Variants in RFX3 observed in about 807,000 individuals in gnomAD.
RFX3 encodes regulatory factor X3.
A neutral mutation model predicts 98.6 loss-of-function variants in RFX3; 14 were observed. That is an observed-to-expected ratio of 0.14 (90% CI 0.09 to 0.22). The LOEUF (loss-of-function observed/expected upper bound fraction) is 0.22, where lower values mean the gene tolerates loss of function less well. RFX3 is among the 10% of genes least tolerant of loss of function. The pLI is 1.00. For synonymous variants in RFX3, 383 were observed against 328.4 expected, an observed-to-expected ratio of 1.17 and a Z score of -1.80; for missense variants, 639 against 926.9, an observed-to-expected ratio of 0.69 and a Z score of 4.03.
chr9:3,414,778 A>ATATGTATATATGAGTATC (rs1842787541), intron 1 of RFX3, among the ~76,000 whole-genome samples: 1 of 137,266 alleles, frequency 7.3e-6, no homozygotes, highest in Non-Finnish European at 1.5e-5. Flanking sequence ...ATATGAGTAT[A>ATATGTATATATGAGTATC]TATGTATATA....
intron 7 of RFX3, among the ~76,000 whole-genome samples, chr9:3,278,274 C>T (rs3012681): frequency 6.6e-6 from 1 of 151,738 alleles, no homozygotes; most frequent in South Asian, 2.1e-4. Context: ...ATAAGCAAAA[C>T]AAAATAAGTA....
At chr9:3,226,920 G>A (rs915880836) in intron 16 of RFX3, among the ~76,000 whole-genome samples, 4 of 151,786 alleles carry the variant, frequency 2.6e-5, no homozygotes, top group African/African-American at 7.3e-5. Context: ...ATTTTTCTAC[G>A]GAGCAAATAT....
intron 3 of RFX3, among the ~76,000 whole-genome samples, chr9:3,341,509 G>C (rs1833888445): frequency 6.6e-6 from 1 of 152,090 alleles, no homozygotes; most frequent in African/African-American, 2.4e-5. Flanking sequence ...CTTGGAAGGG[G>C]CTGAAAAGCA....
At position 3,506,826 on chromosome 9, in the gene RFX3, A is replaced by G. The variant is rs575193926; in HGVS notation, c.-9+18921T>C. ...GCTACATGATACTCTATTTGAAGAAATATCCAGAAATTCATGAATTCATGC... is the reference window on the plus strand; with the variant it reads ...GCTACATGATACTCTATTTGAAGAAGTATCCAGAAATTCATGAATTCATGC... On this transcript the variant is annotated intron_variant, in intron 1 of 16. Transcript: ENST00000617270. Among the ~76,000 whole-genome samples, 9 of 152,058 alleles carry G rather than the reference A, an allele frequency of 5.9e-5. No homozygotes were observed. The South Asian group carries it at 1.9e-3, about 31-fold the overall frequency.
intron 14 of RFX3, among the ~76,000 whole-genome samples, chr9:3,249,093 A>G (rs750995410): frequency 6.6e-6 from 1 of 151,992 alleles, no homozygotes; most frequent in African/African-American, 2.4e-5. Flanking sequence ...CCTTTTTCTA[A>G]AGATTTTTGG....
At chr9:3,524,718 G>C (rs941621170) in intron 1 of RFX3, 1 of 646,890 alleles carries the variant, frequency 1.5e-6, no homozygotes, top group African/African-American at 2.0e-5. Flanking sequence ...TCATCAAAGT[G>C]AAACGGAACC....
At chr9:3,509,966 T>C (rs566093894) in intron 1 of RFX3, among the ~76,000 whole-genome samples, 5 of 152,096 alleles carry the variant, frequency 3.3e-5, no homozygotes, top group African/African-American at 9.6e-5. Flanking sequence ...ACTTGATAAC[T>C]TCCCAAGTCC....
Position 3,525,943 on chromosome 9 carries a change from A to C in RFX3, c.-205T>G. 2.8e-6 allele frequency: 2 copies of C among 703,464 alleles called. No homozygotes were observed. The highest frequency in any genetic ancestry group is 3.4e-6 in the Non-Finnish European group (2 of 580,982). The allele number at this position is 703,464 out of a possible 1,614,324, so 43.6% of individuals were successfully genotyped here. ...ACTCACAAAAGAGAGAGAGAGAGGG[A>C]GAGAGAGAGAGAGCGAGAGGGAGAG... On this transcript the variant is annotated 5_prime_UTR_variant, in exon 1 of 17. Coordinates refer to ENST00000617270, the MANE Select transcript of RFX3 (RefSeq NM_001282116.2).
intron 1 of RFX3, among the ~76,000 whole-genome samples, chr9:3,515,020 C>G (rs993501024): frequency 6.6e-6 from 1 of 152,084 alleles, no homozygotes; most frequent in African/African-American, 2.4e-5. Context: ...TCAGCAAATG[C>G]CTGATGTGAC....
chr9:3,423,953 C>T (rs1376325849), intron 1 of RFX3, among the ~76,000 whole-genome samples: 1 of 151,528 alleles, frequency 6.6e-6, no homozygotes, highest in Non-Finnish European at 1.5e-5. Flanking sequence ...CGAGACCATC[C>T]CGGCTAACAT....
rs1201170066 is a variant in RFX3 at position 3,330,248 on chromosome 9, C to G, written c.474+11G>C. ...AAGCTAAACTAAACTACTAAAAATT[C>G]AAATACTTACTGTCGCTGGGGAGGC... On this transcript the variant is annotated intron_variant, in intron 4 of 16. Transcript: ENST00000617270. 5 of 1,613,596 alleles carry G rather than the reference C, an allele frequency of 3.1e-6. No individual in the cohort carries two copies. Among genetic ancestry groups the G allele is most frequent in the Non-Finnish European group, 4.2e-6 (5 of 1,179,746 alleles).
intron 1 of RFX3, among the ~76,000 whole-genome samples, chr9:3,456,041 A>C (rs1226957978): frequency 6.6e-6 from 1 of 152,254 alleles, no homozygotes; most frequent in Non-Finnish European, 1.5e-5. Flanking sequence ...AGAATGGAGG[A>C]AACTGTGTCC....
chr9:3,258,340 T>C (rs542179394), intron 13 of RFX3, among the ~76,000 whole-genome samples: 1 of 152,226 alleles, frequency 6.6e-6, no homozygotes, highest in South Asian at 2.1e-4. Context: ...CTATATGCTC[T>C]CAAAAAACAA....
chr9:3,462,823 T>C (rs1041655951), intron 1 of RFX3, among the ~76,000 whole-genome samples: 4 of 152,018 alleles, frequency 2.6e-5, no homozygotes, highest in African/African-American at 7.2e-5. Context: ...TCACTTATAA[T>C]AGTATTAAAT....
chr9:3,300,901 C>A (rs1828572150), intron 5 of RFX3, among the ~76,000 whole-genome samples: 1 of 151,816 alleles, frequency 6.6e-6, no homozygotes, highest in Non-Finnish European at 1.5e-5. Flanking sequence ...ATAGTGATAT[C>A]TGCATCTGAT....
At chr9:3,503,334 T>A (rs995052036) in intron 1 of RFX3, among the ~76,000 whole-genome samples, 1 of 152,152 alleles carries the variant, frequency 6.6e-6, no homozygotes, top group Admixed American at 6.5e-5. Flanking sequence ...GGTTTTTTGC[T>A]TTGCTTAAGG....
At chr9:3,516,577 A>G (rs1818192020) in intron 1 of RFX3, among the ~76,000 whole-genome samples, 1 of 152,216 alleles carries the variant, frequency 6.6e-6, no homozygotes, top group Non-Finnish European at 1.5e-5. Context: ...GAGCTTGTCT[A>G]GACCTTGACG....
At chr9:3,253,260 T>C (rs987476849) in intron 14 of RFX3, among the ~76,000 whole-genome samples, 1 of 152,228 alleles carries the variant, frequency 6.6e-6, no homozygotes, top group Non-Finnish European at 1.5e-5. Context: ...GGTGAGAACA[T>C]CACGCCTGTG....
At chr9:3,289,379 T>C (rs751662419) in intron 6 of RFX3, among the ~76,000 whole-genome samples, 23 of 152,078 alleles carry the variant, frequency 1.5e-4, no homozygotes, top group Non-Finnish European at 2.9e-4. Context: ...ATAAAGCAGA[T>C]AGAGAAACTT....
Sources: gnomAD v4.1 joint callset for allele counts (sites outside exome capture counted in the v4.1 genomes callset) on GRCh38, gnomAD v4.1.1 for gene constraint, MANE v1.5 for transcripts, NCBI Gene and HGNC (gene_info 2026-07-23, HGNC 2026-07-21) for gene names.